LONP1: variants seen among roughly 807,000 people sequenced by gnomAD.
LONP1 encodes the protein lon peptidase 1, mitochondrial.
LONP1 carries 31 observed loss-of-function variants against 98.5 expected under a neutral mutation model. The observed-to-expected ratio is 0.31, with a 90% confidence interval of 0.24 to 0.42. The LOEUF is 0.42. LONP1 is among the 20% of genes least tolerant of loss of function. The pLI is 1.00. For missense variants in LONP1, 1,336 were observed against 1,350.6 expected (o/e 0.99, Z 0.17); for synonymous variants, 781 against 594.7 (o/e 1.31, Z -4.56).
intron 13 of LONP1, among the ~76,000 whole-genome samples, 181 bp from the exon 14 acceptor site, chr19:5,695,082 C>T (rs2054902187): frequency 1.3e-5 from 2 of 152,022 alleles, no homozygotes; most frequent in Non-Finnish European, 2.9e-5. Flanking sequence ...AGGCCCCAGG[C>T]CTTTGCTTGT....
At chr19:5,711,206 T>C (rs2436508) in intron 4 of LONP1, among the ~76,000 whole-genome samples, 12,001 of 152,220 alleles carry the variant, frequency 0.079, 579 homozygotes, top group Middle Eastern at 0.14. Context: ...GGGAAGAGGC[T>C]GATGACACCA....
chr19:5,702,479 G>A (rs1242633310), intron 8 of LONP1, among the ~76,000 whole-genome samples: 1 of 152,148 alleles, frequency 6.6e-6, no homozygotes, highest in Middle Eastern at 3.4e-3. Context: ...TGGGAGGGAG[G>A]AGTGGGGGTC....
Position 5,694,414 on chromosome 19 carries a change from C to T in LONP1, c.2293G>A (p.Val765Ile), listed in dbSNP as rs774829728. 6.2e-7 allele frequency: 1 copy of T among 1,613,538 alleles called. No individual in the cohort carries two copies. Among genetic ancestry groups the T allele is most frequent in the South Asian group, 1.1e-5 (1 of 91,084 alleles). ...ATTGCGGTCCAGGCCAGCCCCATGA[C>T]CACGCCGGGCGGTGTCACGTCATAC... ...RMYDVTPPGV[V>I]MGLAWTAMGG... is the part of the protein sequence containing the mutation. The change falls in exon 15 of 18, where the codon GTC (valine) becomes ATC (isoleucine). Residue 765 changes from valine (V) to isoleucine (I), a missense_variant. Around this residue, in one of 5 missense-constraint regions of LONP1, gnomAD observed 555 missense variants for 542.6 expected, o/e 1.02. Coordinates refer to ENST00000360614, the MANE Select transcript of LONP1 (RefSeq NM_004793.4).
intron 1 of LONP1, among the ~76,000 whole-genome samples, chr19:5,716,476 G>C (rs1376229820): frequency 2.0e-5 from 3 of 150,496 alleles, no homozygotes; most frequent in African/African-American, 2.4e-5. Context: ...ACCATCCTTT[G>C]AGAGCCAGTG....
chr19:5,699,171 G>C lies in LONP1; in HGVS notation c.1541C>G (p.Thr514Ser), dbSNP rs370766194. 6.6e-7 allele frequency: 1 copy of C among 1,525,234 alleles called. No individual in the cohort carries two copies. Among genetic ancestry groups the C allele is most frequent in the Non-Finnish European group, 8.9e-7 (1 of 1,128,844 alleles). The allele number at this position is 1,525,234 out of a possible 1,614,324, so 94.5% of individuals were successfully genotyped here. ...ATAGAAGCAGAGGATCTTGCCCTGG[G>C]TGGAGCCGCGGAGCTGGCTAACGGC... The part of the protein sequence containing the change: ...FIAVSQLRGS[T>S]QGKILCFYGP... The change falls in exon 10 of 18, where the codon ACC becomes AGC. Residue 514 changes from threonine to serine, a missense_variant. Physicochemically the swap from Thr to Ser is moderately conservative, Grantham distance 58. This residue lies in a region of LONP1 where 219 missense variants were observed against 241.0 expected (regional missense o/e 0.91). Transcript: ENST00000360614.
intron 9 of LONP1, 72 bp downstream of exon 9, chr19:5,700,717 C>A (rs1185323360): frequency 6.3e-7 from 1 of 1,582,024 alleles, no homozygotes; most frequent in East Asian, 2.3e-5. Context: ...GAAATCTCAA[C>A]CCACAGCACA....
chr19:5,718,314 C>A (rs780862694), intron 1 of LONP1, among the ~76,000 whole-genome samples: 19 of 151,926 alleles, frequency 1.3e-4, no homozygotes, highest in Non-Finnish European at 8.8e-5. Context: ...CCTGTCTCTT[C>A]TAAAAATAGA....
At chr19:5,709,547 G>C (rs1376479676) in intron 4 of LONP1, among the ~76,000 whole-genome samples, 1 of 151,946 alleles carries the variant, frequency 6.6e-6, no homozygotes, top group East Asian at 1.9e-4. Context: ...CTTTGACGCT[G>C]AACTGTCTGA....
At position 5,719,759 on chromosome 19, in the gene LONP1, G is replaced by A. The variant is rs1555714925; in HGVS notation, c.374C>T (p.Pro125Leu). 3.1e-6 allele frequency: 5 copies of A among 1,613,682 alleles called. No homozygotes were observed. The highest frequency in any genetic ancestry group is 3.4e-6 in the Non-Finnish European group (4 of 1,180,020). ...MTIPDVFPHL[P>L]LIAITRNPVF... ...CGGGTTGCGGGTGATGGCGATGAGC[G>A]GCAGGTGCGGAAACACATCGGGGAT... The change falls in exon 1 of 18, where the codon CCG becomes CTG. Residue 125 changes from proline to leucine, a missense_variant. Pro to Leu is a moderately conservative substitution (Grantham distance 98). Coordinates refer to ENST00000360614, the MANE Select transcript of LONP1 (RefSeq NM_004793.4).
chr19:5,708,335 G>A lies in LONP1; in HGVS notation c.932+7C>T. The A allele has an allele frequency of 2.5e-6, 4 of 1,611,864 alleles. No individual in the cohort carries two copies. The highest frequency in any genetic ancestry group is 3.4e-6 in the Non-Finnish European group (4 of 1,179,912). ...CCGCCTGGCCAGCTGCCCGCACAGA[G>A]GCCCACCTGTAGAGAGGGTTCAAGG... is the stretch of plus-strand genomic sequence containing the variant. On this transcript the variant is annotated splice_region_variant and intron_variant, in intron 5 of 17. Coordinates refer to ENST00000360614, the MANE Select transcript of LONP1 (RefSeq NM_004793.4).
At chr19:5,702,947 C>T (rs1405988000) in intron 8 of LONP1, among the ~76,000 whole-genome samples, 3 of 150,450 alleles carry the variant, frequency 2.0e-5, no homozygotes, top group South Asian at 2.1e-4. Flanking sequence ...TCTGCTGACC[C>T]TCCCTCCACT....
In LONP1 at chr19:5,696,663, C is replaced by A. The variant is rs2054936185; in HGVS notation, c.1773+7G>T. 3 of 1,590,916 alleles carry A rather than the reference C, an allele frequency of 1.9e-6. No homozygotes were observed. The East Asian group carries it at 6.8e-5, about 36-fold the overall frequency. The stretch of plus-strand genomic sequence containing the variant: ...GTTAGGGGGTCTCCGGGCCTCTCCG[C>A]ACGCACCTCGTCGATGAGGATCAGG... On this transcript the variant is annotated splice_region_variant and intron_variant, in intron 11 of 17. Transcript: ENST00000360614.
intron 5 of LONP1, 62 bp from the exon 6 acceptor site, chr19:5,707,888 C>A: frequency 6.3e-7 from 1 of 1,587,644 alleles, no homozygotes; most frequent in Non-Finnish European, 8.6e-7. Context: ...AGTGCAGCCC[C>A]CAAACGGGGA....
At chr19:5,703,636 C>T (rs937236095) in intron 8 of LONP1, among the ~76,000 whole-genome samples, 139 of 150,948 alleles carry the variant, frequency 9.2e-4, no homozygotes, top group African/African-American at 3.2e-3. Flanking sequence ...GCATACGAGA[C>T]GCACCGGGAC....
chr19:5,698,836 T>C (rs2054990562), intron 10 of LONP1, among the ~76,000 whole-genome samples, 191 bp downstream of exon 10: 1 of 152,188 alleles, frequency 6.6e-6, no homozygotes, highest in East Asian at 1.9e-4. Flanking sequence ...GCCAGCGCTG[T>C]TTGAGCACCT....
At chr19:5,707,232 A>C in intron 6 of LONP1, 89 bp from the exon 7 acceptor site, 1 of 1,058,950 alleles carries the variant, frequency 9.4e-7, no homozygotes, top group Non-Finnish European at 1.4e-6. Context: ...GCACCCTGAG[A>C]GATGCTGCCG....
At chr19:5,717,891 C>CTTTTT (rs532198283) in intron 1 of LONP1, among the ~76,000 whole-genome samples, 75 of 133,212 alleles carry the variant, frequency 5.6e-4, no homozygotes, top group African/African-American at 6.7e-4. Context: ...TTCTTTCTTT[C>CTTTTT]TTTTTTTTTT....
At chr19:5,694,291 C>T in intron 15 of LONP1, 96 bp downstream of exon 15, 1 of 1,516,646 alleles carries the variant, frequency 6.6e-7, no homozygotes, top group Non-Finnish European at 8.9e-7. Flanking sequence ...TTCAGAGCCA[C>T]CTGAGGCCCA....
intron 13 of LONP1, among the ~76,000 whole-genome samples, chr19:5,695,161 G>A (rs757934937): frequency 5.9e-5 from 9 of 152,068 alleles, no homozygotes; most frequent in Non-Finnish European, 1.2e-4. Context: ...CCTCCAGGAA[G>A]GCCTCCTGGT....
Sources: allele counts gnomAD v4.1 joint callset (sites outside exome capture counted in the v4.1 genomes callset), GRCh38; gene constraint gnomAD v4.1.1; regional missense constraint gnomAD v4.1.1; transcripts MANE v1.5; gene names NCBI Gene and HGNC (gene_info 2026-07-23, HGNC 2026-07-21).